FILIP1: variants seen among roughly 807,000 people sequenced by gnomAD.
FILIP1 encodes the protein filamin A interacting protein 1.
In FILIP1, 61 loss-of-function variants were observed where a neutral mutation model predicts 102.1. The observed-to-expected ratio is 0.60, with a 90% confidence interval of 0.49 to 0.74. The LOEUF is 0.74. FILIP1 is among the 30% of genes least tolerant of loss of function. The pLI, the probability that FILIP1 is intolerant of heterozygous loss-of-function variation, is 0.00. For missense variants in FILIP1, 1,314 were observed against 1,441.2 expected (o/e 0.91, Z 1.43); for synonymous variants, 491 against 526.9 (o/e 0.93, Z 0.93).
chr6:75,458,776 C>T (rs1175677800), intron 1 of FILIP1: 1 of 152,172 alleles, frequency 6.6e-6, no homozygotes, highest in Admixed American at 6.5e-5. Flanking sequence ...TCTCCTACTC[C>T]TACTTTTTCT....
At chr6:75,445,097 T>C (rs977814067) in intron 1 of FILIP1, among the ~76,000 whole-genome samples, 1 of 151,668 alleles carries the variant, frequency 6.6e-6, no homozygotes, top group Non-Finnish European at 1.5e-5. Context: ...CCTACCTCCA[T>C]CCCCTCTCCT....
At chr6:75,345,628 A>C (rs1774555572) in intron 4 of FILIP1, among the ~76,000 whole-genome samples, 1 of 152,134 alleles carries the variant, frequency 6.6e-6, no homozygotes, top group Admixed American at 6.6e-5. Context: ...TGTAAACGTC[A>C]CACCTGGTCA....
At chr6:75,325,754 G>A (rs1050590261) in intron 4 of FILIP1, among the ~76,000 whole-genome samples, 3 of 152,172 alleles carry the variant, frequency 2.0e-5, no homozygotes, top group African/African-American at 7.2e-5. Flanking sequence ...ATGTTGGCAT[G>A]GATGTGGTGA....
At chr6:75,445,560 G>C (rs1278578369) in intron 1 of FILIP1, among the ~76,000 whole-genome samples, 1 of 152,002 alleles carries the variant, frequency 6.6e-6, no homozygotes, top group East Asian at 1.9e-4. Flanking sequence ...ATGTAAGTAT[G>C]GCAGCCACCA....
At chr6:75,312,366 A>G (rs9352202) in intron 5 of FILIP1, 31 bp downstream of exon 5, 965,759 of 1,586,492 alleles carry the variant, frequency 0.61, 295,866 homozygotes, top group South Asian at 0.69. Flanking sequence ...CTCCCTCTGC[A>G]GGCCTGCGCT....
intron 2 of FILIP1, among the ~76,000 whole-genome samples, chr6:75,385,252 A>T (rs943481314): frequency 6.6e-6 from 1 of 152,148 alleles, no homozygotes; most frequent in Non-Finnish European, 1.5e-5. Context: ...TCACTAGTAA[A>T]TATATTGCAG....
At chr6:75,484,196 C>T (rs970399138) in intron 1 of FILIP1, among the ~76,000 whole-genome samples, 6 of 152,040 alleles carry the variant, frequency 3.9e-5, no homozygotes, top group East Asian at 1.9e-4. Context: ...AGCCAGGCAA[C>T]GATCCTGAGT....
intron 3 of FILIP1, among the ~76,000 whole-genome samples, chr6:75,354,581 A>G (rs955456048): frequency 6.6e-6 from 1 of 152,130 alleles, no homozygotes. Flanking sequence ...AAAAAAAAAA[A>G]AAAAAAAAAC....
chr6:75,319,626 C>T (rs1308622729), intron 4 of FILIP1: 2 of 421,630 alleles, frequency 4.7e-6, no homozygotes, highest in East Asian at 5.6e-5. Flanking sequence ...GTCAGGAGAT[C>T]GAGACCATCC....
chr6:75,474,053 C>A (rs2149768369), intron 1 of FILIP1, among the ~76,000 whole-genome samples: 1 of 152,188 alleles, frequency 6.6e-6, no homozygotes, highest in Middle Eastern at 3.4e-3. Context: ...AGCTCTTTTC[C>A]TTATTAAATG....
intron 1 of FILIP1, among the ~76,000 whole-genome samples, chr6:75,432,222 A>C (rs749321457): frequency 5.3e-5 from 8 of 152,222 alleles, no homozygotes; most frequent in Non-Finnish European, 7.4e-5. Flanking sequence ...GTCACTTTAA[A>C]ATTTACTACT....
chr6:75,375,623 G>T (rs2149633442), intron 2 of FILIP1, among the ~76,000 whole-genome samples: 1 of 152,310 alleles, frequency 6.6e-6, no homozygotes. Flanking sequence ...TAAAGTCTTT[G>T]ATCTTATTTT....
chr6:75,466,243 T>C (rs963667131), intron 1 of FILIP1, among the ~76,000 whole-genome samples: 1 of 152,246 alleles, frequency 6.6e-6, no homozygotes, highest in Non-Finnish European at 1.5e-5. Context: ...ACACTTGTGA[T>C]ATGATTTACT....
At chr6:75,337,923 CAGA>C (rs1407683697) in intron 4 of FILIP1, among the ~76,000 whole-genome samples, 2 of 152,052 alleles carry the variant, frequency 1.3e-5, no homozygotes, top group Non-Finnish European at 2.9e-5. Flanking sequence ...AGGTTTTTTA[CAGA>C]AGTTGTTGTG....
At chr6:75,378,262 C>T (rs1300993440) in intron 2 of FILIP1, among the ~76,000 whole-genome samples, 2 of 152,188 alleles carry the variant, frequency 1.3e-5, no homozygotes, top group African/African-American at 4.8e-5. Flanking sequence ...GAACACTAGA[C>T]AGCACTTCAG....
chr6:75,452,693 T>C (rs1778675414), intron 1 of FILIP1, among the ~76,000 whole-genome samples: 1 of 152,224 alleles, frequency 6.6e-6, no homozygotes, highest in African/African-American at 2.4e-5. Flanking sequence ...TGCATAATAC[T>C]AATCTTGTGA....
chr6:75,453,026 T>C (rs1170935435), intron 1 of FILIP1, among the ~76,000 whole-genome samples: 1 of 152,202 alleles, frequency 6.6e-6, no homozygotes, highest in Non-Finnish European at 1.5e-5. Context: ...TTCGCTGTAA[T>C]TTCCAGCAAG....
At chr6:75,485,579 A>C (rs1251065125) in intron 1 of FILIP1, among the ~76,000 whole-genome samples, 1 of 152,216 alleles carries the variant, frequency 6.6e-6, no homozygotes, top group African/African-American at 2.4e-5. Flanking sequence ...AAAGCAAAGC[A>C]TTATCTGCTC....
chr6:75,340,923 C>G (rs1045052469), intron 4 of FILIP1, among the ~76,000 whole-genome samples: 2 of 135,478 alleles, frequency 1.5e-5, no homozygotes, highest in African/African-American at 5.6e-5. Context: ...AGGCTGATCT[C>G]GAACTCCTGA....
Sources: gnomAD v4.1 joint callset for allele counts (sites outside exome capture counted in the v4.1 genomes callset) on GRCh38, gnomAD v4.1.1 for gene constraint, MANE v1.5 for transcripts, NCBI Gene and HGNC (gene_info 2026-07-23, HGNC 2026-07-21) for gene names.